ANKHD1: variants seen among roughly 807,000 people sequenced by gnomAD.
The protein encoded by ANKHD1 is ankyrin repeat and KH domain-containing protein 1.
Under a neutral mutation model 230.5 loss-of-function variants are expected in ANKHD1, and 31 were observed. That is an observed-to-expected ratio of 0.13 (90% CI 0.10 to 0.18). The LOEUF is 0.18. Among genes scored for constraint, ANKHD1 ranks in the 10% least tolerant of loss-of-function variants. The pLI, the probability that ANKHD1 is intolerant of heterozygous loss-of-function variation, is 1.00. For missense variants in ANKHD1, 2,256 were observed against 3,071.3 expected (o/e 0.73, Z 6.27); for synonymous variants, 1,074 against 1,117.6 (o/e 0.96, Z 0.78).
Position 140,410,641 on chromosome 5 carries a change from A to G in ANKHD1, c.306+8368A>G, listed in dbSNP as rs564299022. On this transcript the variant is annotated intron_variant, in intron 1 of 33. Transcript: ENST00000360839. ...AACCCACTATAAAGGAACTGTTTCA[A>G]TGTATCTGTCTTCACAGACCTTATT... 2.6e-3 allele frequency among the ~76,000 whole-genome samples: 398 copies of G among 152,274 alleles called. 1 individual carries two copies. Among genetic ancestry groups the G allele is most frequent in the Middle Eastern group, 0.014 (4 of 294 alleles).
At chr5:140,456,414 G>A (rs1775197201) in intron 7 of ANKHD1, among the ~76,000 whole-genome samples, 1 of 152,112 alleles carries the variant, frequency 6.6e-6, no homozygotes, top group Non-Finnish European at 1.5e-5. Context: ...ACAATCCTAA[G>A]CCAAAAGAAC....
chr5:140,463,403 T>G (rs1229865067), intron 9 of ANKHD1, among the ~76,000 whole-genome samples: 6 of 152,148 alleles, frequency 3.9e-5, no homozygotes, highest in Admixed American at 3.9e-4. Context: ...GCTCCAGCCT[T>G]GGGATCAGTC....
intron 6 of ANKHD1, among the ~76,000 whole-genome samples, chr5:140,448,130 T>C (rs1032080920): frequency 1.3e-5 from 2 of 152,036 alleles, no homozygotes; most frequent in South Asian, 2.1e-4. Flanking sequence ...AGCCTTGGAG[T>C]TTGAGGCTGC....
intron 10 of ANKHD1, among the ~76,000 whole-genome samples, chr5:140,471,207 A>G (rs1029350913): frequency 7.2e-5 from 11 of 152,126 alleles, no homozygotes; most frequent in Non-Finnish European, 1.3e-4. Context: ...AGTTTCTTCT[A>G]TTCTTCCAAT....
chr5:140,496,775 T>C lies in ANKHD1; in HGVS notation c.2501T>C (p.Ile834Thr). Reference protein sequence around the residue: ...REEQVQKKKKILKELQKVERQ... With the variant: ...REEQVQKKKKTLKELQKVERQ... ...GAGCAAGTCCAGAAGAAGAAGAAAATATTGAAAGAACTGCAGAAAGTGGAA... is the reference window on the plus strand; with the variant it reads ...GAGCAAGTCCAGAAGAAGAAGAAAACATTGAAAGAACTGCAGAAAGTGGAA... The change falls in exon 15 of 34, where the codon ATA (isoleucine) becomes ACA (threonine). Residue 834 changes from isoleucine to threonine, a missense_variant. Transcript: ENST00000360839. 1 of 1,613,588 alleles carries C rather than the reference T, an allele frequency of 6.2e-7. No individual in the cohort carries two copies. The highest frequency in any genetic ancestry group is 1.1e-5 in the South Asian group (1 of 91,052).
chr5:140,500,822 A>G (rs930389243), intron 15 of ANKHD1, among the ~76,000 whole-genome samples: 3 of 151,984 alleles, frequency 2.0e-5, no homozygotes, highest in African/African-American at 4.8e-5. Context: ...TTATTTCCTT[A>G]GACTTCGAAA....
rs758272012 is a variant in ANKHD1 at position 140,441,133 on chromosome 5, T to A, written c.904T>A (p.Ser302Thr). 4.4e-6 allele frequency: 7 copies of A among 1,594,756 alleles called. No individual in the cohort carries two copies. In the East Asian group the frequency reaches 1.6e-4, roughly 37 times the overall value. ...LLHDADVNSQ[S>T]ATGNTALTYA... ...TCATGATGCTGATGTCAACTCCCAG[T>A]CTGCAACAGGTATGTAGAAAATGAT... Residue 302 changes from serine (S) to threonine (T), a missense_variant, in exon 5 of 34, where the codon TCT (serine) becomes ACT (threonine). This residue lies in a region of ANKHD1 where 206 missense variants were observed against 304.5 expected (regional missense o/e 0.68). Transcript: ENST00000360839.
chr5:140,445,784 A>G lies in ANKHD1; in HGVS notation c.956A>G (p.Asp319Gly). The change falls in exon 6 of 34, where the codon GAC (aspartate) becomes GGC (glycine). Residue 319 changes from aspartate to glycine, a missense_variant. This residue lies in a region of ANKHD1 where 206 missense variants were observed against 304.5 expected (regional missense o/e 0.68). Coordinates refer to ENST00000360839, the MANE Select transcript of ANKHD1 (RefSeq NM_017747.3). ...TATGCATGTGCTGGAGGATTTGTTG[A>G]CATTGTTAAAGTGCTCCTTAATGAA... ...LTYACAGGFVDIVKVLLNEGA... is the reference protein window; with the variant it reads ...LTYACAGGFVGIVKVLLNEGA... 1 of 1,611,814 alleles carries G rather than the reference A, an allele frequency of 6.2e-7. No individual in the cohort carries two copies. The highest frequency in any genetic ancestry group is 8.5e-7 in the Non-Finnish European group (1 of 1,178,766).
chr5:140,523,458 T>G (rs1157936933), intron 24 of ANKHD1, among the ~76,000 whole-genome samples: 1 of 151,760 alleles, frequency 6.6e-6, no homozygotes, highest in Non-Finnish European at 1.5e-5. Flanking sequence ...GACTGTCTTT[T>G]CATTCGTGAG....
In ANKHD1 at chr5:140,529,277, A is replaced by C; in HGVS notation, c.6331A>C (p.Arg2111=). Residue 2111 remains arginine (R), a synonymous_variant, in exon 29 of 34, where the codon AGA becomes CGA. Transcript: ENST00000360839. ...TGCTCCATTGACTTTGACATCACCC[A>C]GAATGGTTGCTGCTGATAATCAGGA... ...EPAPLTLTSP[R]MVAADNQDTS... The C allele has an allele frequency of 6.2e-7, 1 of 1,614,228 alleles. No individual in the cohort carries two copies.
rs541394108 is a variant in ANKHD1, at chr5:140,440,094, A to G, written c.618-25A>G. ...ACCCCCGAGTCTTTTTGTTTCGGTTAATTGTTGAATGGTTTTGTTTCCAGT... is the reference window on the plus strand; with the variant it reads ...ACCCCCGAGTCTTTTTGTTTCGGTTGATTGTTGAATGGTTTTGTTTCCAGT... On this transcript the variant is annotated intron_variant, in intron 3 of 33. Coordinates refer to ENST00000360839, the MANE Select transcript of ANKHD1 (RefSeq NM_017747.3). 1.7e-5 allele frequency: 26 copies of G among 1,545,456 alleles called. No individual in the cohort carries two copies. The Admixed American group carries it at 5.0e-4, about 29-fold the overall frequency.
chr5:140,478,908 T>C (rs1256813403), intron 10 of ANKHD1, among the ~76,000 whole-genome samples: 2 of 152,102 alleles, frequency 1.3e-5, no homozygotes, highest in African/African-American at 2.4e-5. Flanking sequence ...CCTCCTAAAG[T>C]GCTGGGATTA....
chr5:140,468,084 TTTTTTTTTG>T (rs1776234887), intron 10 of ANKHD1, among the ~76,000 whole-genome samples: 1 of 55,978 alleles, frequency 1.8e-5, no homozygotes, highest in Non-Finnish European at 3.9e-5. Flanking sequence ...TTTTTTTTTT[TTTTTTTTTG>T]ATGTGGGGTC....
chr5:140,447,335 TAGGATTA>T, intron 6 of ANKHD1, among the ~76,000 whole-genome samples: 1 of 152,192 alleles, frequency 6.6e-6, no homozygotes, highest in Middle Eastern at 3.2e-3. Context: ...CCTGAATAGC[TAGGATTA>T]CAGACTCACA....
intron 1 of ANKHD1, among the ~76,000 whole-genome samples, chr5:140,419,280 T>C (rs1246739827): frequency 1.3e-5 from 2 of 149,134 alleles, no homozygotes; most frequent in Non-Finnish European, 3.0e-5. Flanking sequence ...TGAAGAAATA[T>C]CTATTCAAAT....
At chr5:140,433,103 G>A (rs1451788574) in intron 1 of ANKHD1, among the ~76,000 whole-genome samples, 1 of 149,602 alleles carries the variant, frequency 6.7e-6, no homozygotes, top group African/African-American at 2.5e-5. Context: ...TAGTCTTGCC[G>A]TGTTCCCCAG....
chr5:140,429,567 G>A (rs950768333), intron 1 of ANKHD1, among the ~76,000 whole-genome samples: 1 of 152,104 alleles, frequency 6.6e-6, no homozygotes, highest in Non-Finnish European at 1.5e-5. Context: ...AGCTTGGCTG[G>A]TGTTCTTTTT....
At position 140,496,742 on chromosome 5, in the gene ANKHD1, AC is replaced by A; in HGVS notation, c.2469del (p.Asn823LysfsTer13). The A allele has an allele frequency of 6.2e-7, 1 of 1,613,796 alleles. No homozygotes were observed. The highest frequency in any genetic ancestry group is 8.5e-7 in the Non-Finnish European group (1 of 1,179,930). Reference sequence around the variant, plus strand: ...GATAAGATAGAAGAACTTAAAAAGAACAGAGAAGAGCAAGTCCAGAAGAAGA... The same window carrying A: ...GATAAGATAGAAGAACTTAAAAAGAAAGAGAAGAGCAAGTCCAGAAGAAGA... The part of the protein sequence containing the change: ...NKDKIEELKK[N>X]REEQVQKKKK... On this transcript the variant is annotated frameshift_variant, in exon 15 of 34. Transcript: ENST00000360839. LOFTEE classifies it high-confidence loss of function.
At chr5:140,500,251 A>G (rs1752226758) in intron 15 of ANKHD1, among the ~76,000 whole-genome samples, 1 of 152,202 alleles carries the variant, frequency 6.6e-6, no homozygotes, top group African/African-American at 2.4e-5. Flanking sequence ...AGCATTTACC[A>G]TGCACCAACT....
Sources: gnomAD v4.1 joint callset for allele counts (sites outside exome capture counted in the v4.1 genomes callset) on GRCh38, gnomAD v4.1.1 for gene constraint, gnomAD v4.1.1 regional missense constraint, MANE v1.5 for transcripts, NCBI Gene and HGNC (gene_info 2026-07-23, HGNC 2026-07-21) for gene names.